The following SUV39H2 variants were observed in gnomAD, a reference collection of about 807,000 sequenced individuals.
SUV39H2 encodes the protein histone-lysine N-methyltransferase SUV39H2.
Under a neutral mutation model 47.5 loss-of-function variants are expected in SUV39H2, and 10 were observed. The observed-to-expected ratio is 0.21, with a 90% confidence interval of 0.13 to 0.36. The LOEUF is 0.36. Among genes scored for constraint, SUV39H2 ranks in the 10% least tolerant of loss-of-function variants. The probability of loss-of-function intolerance (pLI) is 1.00; values close to 1 mark genes in which losing one functional copy is unlikely to be tolerated. For synonymous variants in SUV39H2, 159 were observed against 166.8 expected, an observed-to-expected ratio of 0.95 and a Z score of 0.36; for missense variants, 266 against 487.4, an observed-to-expected ratio of 0.55 and a Z score of 4.28.
chr10:14,884,440 G>A (rs1479767612), intron 2 of SUV39H2, among the ~76,000 whole-genome samples: 1 of 152,158 alleles, frequency 6.6e-6, no homozygotes, highest in Admixed American at 6.5e-5. Context: ...CATCTCCTGT[G>A]CCTATTGGCC....
chr10:14,892,999 A>ATTT (rs869161891), intron 2 of SUV39H2, among the ~76,000 whole-genome samples: 36 of 79,902 alleles, frequency 4.5e-4, no homozygotes, highest in Non-Finnish European at 6.6e-4. Context: ...AATTTTTTGT[A>ATTT]TTTTTTTTTT....
intron 2 of SUV39H2, among the ~76,000 whole-genome samples, chr10:14,890,293 A>G (rs547244281): frequency 1.3e-5 from 2 of 152,294 alleles, no homozygotes; most frequent in East Asian, 3.9e-4. Context: ...AGCTATCACA[A>G]TTCCTACTCT....
rs1833994357 is a variant in SUV39H2, at chr10:14,901,393, A to C, written c.1126+131A>C. On this transcript the variant is annotated intron_variant, in intron 5 of 5. Transcript: ENST00000354919. The stretch of plus-strand genomic sequence containing the variant: ...GAAAAGTTGAGGCACTAAGTTTGTC[A>C]TCCTAAGGTACAAAGCTAATCCAAC... 2.6e-5 allele frequency: 31 copies of C among 1,210,672 alleles called. No individual in the cohort carries two copies. The South Asian group carries it at 4.2e-4, about 16-fold the overall frequency. The allele number at this position is 1,210,672 out of a possible 1,614,324, so 75.0% of individuals were successfully genotyped here. A position where few individuals can be genotyped will look rare whatever the true frequency, so the allele number is the denominator to read the frequency against.
chr10:14,897,732 ATAT>A (rs1833685831), intron 3 of SUV39H2: 3 of 343,690 alleles, frequency 8.7e-6, no homozygotes, highest in Non-Finnish European at 1.5e-5. Flanking sequence ...AAACAAATTG[ATAT>A]AGTCATCTTT....
At position 14,902,690 on chromosome 10, in the gene SUV39H2, T is replaced by C; in HGVS notation, c.*178T>C. 1 of 480,888 alleles carries C rather than the reference T, an allele frequency of 2.1e-6. No individual in the cohort carries two copies. Among genetic ancestry groups the C allele is most frequent in the Non-Finnish European group, 3.8e-6 (1 of 266,658 alleles). 29.8% of individuals were successfully genotyped at this position (480,888 alleles called of 1,614,324 possible). A position where few individuals can be genotyped will look rare whatever the true frequency, so the allele number is the denominator to read the frequency against. ...CCTCTGAAAAGGGGGTCACTGGGTC[T>C]CATAGACTGATATGAAGTCGACATA... is the stretch of plus-strand genomic sequence containing the variant. On this transcript the variant is annotated 3_prime_UTR_variant, in exon 6 of 6. Coordinates refer to ENST00000354919, the MANE Select transcript of SUV39H2 (RefSeq NM_001193424.2).
At position 14,904,314 on chromosome 10, in the gene SUV39H2, A is replaced by ATT. The variant is rs1834217177; in HGVS notation, c.*1802_*1803insTT. ...AGTAAGACTGTCTCCAAAAAAAAAA[A>ATT]ATTTTTTTTTTTTTTTTTTTTTTTT... On this transcript the variant is annotated 3_prime_UTR_variant, in exon 6 of 6. Coordinates refer to ENST00000354919, the MANE Select transcript of SUV39H2 (RefSeq NM_001193424.2). 6.9e-6 allele frequency: 1 copy of ATT among 144,388 alleles called. No individual in the cohort carries two copies. The highest frequency in any genetic ancestry group is 1.5e-5 in the Non-Finnish European group (1 of 66,992). The allele number at this position is 144,388 out of a possible 1,614,324, so 8.9% of individuals were successfully genotyped here. A position where few individuals can be genotyped will look rare whatever the true frequency, so the allele number is the denominator to read the frequency against.
intron 2 of SUV39H2, among the ~76,000 whole-genome samples, chr10:14,893,607 A>G (rs1014332745): frequency 6.6e-6 from 1 of 152,222 alleles, no homozygotes; most frequent in Non-Finnish European, 1.5e-5. Context: ...TCATTTTTCA[A>G]AGAGGAAATA....
chr10:14,903,524 A>G lies in SUV39H2; in HGVS notation c.*1012A>G, dbSNP rs1834159035. 1 of 152,186 alleles carries G rather than the reference A, an allele frequency of 6.6e-6. No homozygotes were observed. Among genetic ancestry groups the G allele is most frequent in the Non-Finnish European group, 1.5e-5 (1 of 68,022 alleles). 9.4% of individuals were successfully genotyped at this position (152,186 alleles called of 1,614,324 possible). On this transcript the variant is annotated 3_prime_UTR_variant, in exon 6 of 6. Transcript: ENST00000354919. The stretch of plus-strand genomic sequence containing the variant: ...AGGTTCTTCTTAAAAAGTAATCTAT[A>G]TTTTTGAACTGATACTTGTTTTATA...
chr10:14,900,555 T>G (rs764212392), intron 4 of SUV39H2, among the ~76,000 whole-genome samples: 1 of 152,210 alleles, frequency 6.6e-6, no homozygotes, highest in Non-Finnish European at 1.5e-5. Context: ...AAAATAGAGA[T>G]ATTCTATCCA....
chr10:14,880,539 C>T (rs1833011780), intron 1 of SUV39H2, among the ~76,000 whole-genome samples: 1 of 152,154 alleles, frequency 6.6e-6, no homozygotes, highest in Admixed American at 6.5e-5. Context: ...GCTCGGTGAC[C>T]GAGCGATGGG....
intron 3 of SUV39H2, chr10:14,899,131 G>A (rs1833810976): frequency 1.5e-6 from 1 of 674,580 alleles, no homozygotes; most frequent in Admixed American, 2.1e-5. Context: ...ACCAGTGTGG[G>A]CAACATAGTG....
At chr10:14,883,321 A>G (rs189411168) in intron 2 of SUV39H2, among the ~76,000 whole-genome samples, 15 of 152,104 alleles carry the variant, frequency 9.9e-5, no homozygotes, top group Admixed American at 8.5e-4. Flanking sequence ...GTCTTTTTCT[A>G]CTACTGCATG....
rs1031273271 is a variant in SUV39H2 at position 14,902,838 on chromosome 10, T to G, written c.*326T>G. On this transcript the variant is annotated 3_prime_UTR_variant, in exon 6 of 6. Coordinates refer to ENST00000354919, the MANE Select transcript of SUV39H2 (RefSeq NM_001193424.2). ...GTGTTTGAAAGCGTTAAGCTGATAA[T>G]GTAATTAACAACTGCTGAGAGATCA... 1 of 161,942 alleles carries G rather than the reference T, an allele frequency of 6.2e-6. No homozygotes were observed. Among genetic ancestry groups the G allele is most frequent in the African/African-American group, 2.4e-5 (1 of 41,776 alleles). 10.0% of individuals were successfully genotyped at this position (161,942 alleles called of 1,614,324 possible).
chr10:14,879,003 A>G, intron 1 of SUV39H2, 84 bp downstream of exon 1: 2 of 1,327,828 alleles, frequency 1.5e-6, no homozygotes, highest in Non-Finnish European at 1.9e-6. Flanking sequence ...CCCGCGGGCC[A>G]GCCAGATGGC....
chr10:14,884,657 C>A (rs919319799), intron 2 of SUV39H2, among the ~76,000 whole-genome samples: 4 of 152,146 alleles, frequency 2.6e-5, no homozygotes, highest in Non-Finnish European at 4.4e-5. Context: ...ACTTGTGCCC[C>A]TCAGTGACCT....
intron 2 of SUV39H2, among the ~76,000 whole-genome samples, chr10:14,895,090 T>C (rs1019940125): frequency 3.2e-4 from 49 of 152,186 alleles, no homozygotes; most frequent in African/African-American, 1.1e-3. Flanking sequence ...CTATATATTA[T>C]TCCAGAAGAA....
At chr10:14,895,327 C>T (rs1175717166) in intron 2 of SUV39H2, among the ~76,000 whole-genome samples, 9 of 152,052 alleles carry the variant, frequency 5.9e-5, no homozygotes, top group Non-Finnish European at 1.2e-4. Flanking sequence ...CAGGTGCCTG[C>T]CACCACACCC....
rs1385679998 is a variant in SUV39H2, at chr10:14,894,963, T to C, written c.178-1883T>C. 2.6e-5 allele frequency among the ~76,000 whole-genome samples: 4 copies of C among 152,182 alleles called. No individual in the cohort carries two copies. In the East Asian group the frequency reaches 7.7e-4, roughly 29 times the overall value. On this transcript the variant is annotated intron_variant, in intron 2 of 5. Coordinates refer to ENST00000354919, the MANE Select transcript of SUV39H2 (RefSeq NM_001193424.2). ...TTCAGGGAAAAGCAGTTATCTCAAT[T>C]AACAAGATTTTTCAGTATCTAAGAC...
At position 14,891,906 on chromosome 10, in the gene SUV39H2, C is replaced by T. The variant is rs149949909; in HGVS notation, c.178-4940C>T. Among the ~76,000 whole-genome samples the T allele has an allele frequency of 3.9e-4, 60 of 152,208 alleles. No individual in the cohort carries two copies. The East Asian group carries it at 0.011, about 29-fold the overall frequency. On this transcript the variant is annotated intron_variant, in intron 2 of 5. Coordinates refer to ENST00000354919, the MANE Select transcript of SUV39H2 (RefSeq NM_001193424.2). ...GGGTGATGAGGTTGTCCAAAGAGATCGTTTGTAGTAGGAATTCTCTAAACC... is the reference window on the plus strand; with the variant it reads ...GGGTGATGAGGTTGTCCAAAGAGATTGTTTGTAGTAGGAATTCTCTAAACC...
Sources: gnomAD v4.1 joint callset for allele counts (sites outside exome capture counted in the v4.1 genomes callset) on GRCh38, gnomAD v4.1.1 for gene constraint, MANE v1.5 for transcripts, NCBI Gene and HGNC (gene_info 2026-07-23, HGNC 2026-07-21) for gene names.